The following KATNAL2 variants were observed in gnomAD, a reference collection of about 807,000 sequenced individuals.
The protein encoded by KATNAL2 is katanin p60 ATPase-containing subunit A-like 2.
Under a neutral mutation model 76.3 loss-of-function variants are expected in KATNAL2, and 52 were observed. The observed-to-expected ratio is 0.68, with a 90% CI of 0.55 to 0.86. The LOEUF is 0.86. KATNAL2 is among the 40% of genes least tolerant of loss of function. The pLI is 0.00. For synonymous variants in KATNAL2, 243 were observed against 244.2 expected (o/e 1.00, Z 0.05); for missense variants, 660 against 668.9 (o/e 0.99, Z 0.15).
chr18:47,056,163 G>A (rs917763670), intron 6 of KATNAL2, among the ~76,000 whole-genome samples: 3 of 152,130 alleles, frequency 2.0e-5, no homozygotes, highest in African/African-American at 7.2e-5. Context: ...AAAAGATCTT[G>A]GCAATTCCAG....
At chr18:47,054,244 C>T (rs1395886045) in intron 5 of KATNAL2, 152 bp from the exon 6 acceptor site, 4 of 673,958 alleles carry the variant, frequency 5.9e-6, no homozygotes, top group Non-Finnish European at 1.0e-5. Flanking sequence ...TTTCAGTTCT[C>T]TCTAGATGAG....
intron 15 of KATNAL2, among the ~76,000 whole-genome samples, chr18:47,089,196 T>C (rs1242466696): frequency 6.6e-6 from 1 of 152,224 alleles, no homozygotes; most frequent in African/African-American, 2.4e-5. Context: ...GCTTTCATTT[T>C]CAGCTTCCTC....
At chr18:47,034,009 C>G (rs1026098531) in intron 3 of KATNAL2, 1 of 1,613,932 alleles carries the variant, frequency 6.2e-7, no homozygotes, top group Non-Finnish European at 8.5e-7. Flanking sequence ...CTCACGAGTG[C>G]CCTTGGATTC....
At chr18:47,084,342 C>T (rs2062668553) in intron 15 of KATNAL2, 1 of 702,822 alleles carries the variant, frequency 1.4e-6, no homozygotes, top group African/African-American at 1.7e-5. Context: ...TAACCACATG[C>T]ATTTTTGGGC....
At position 47,046,545 on chromosome 18, in the gene KATNAL2, C is replaced by T. The variant is rs1273662294; in HGVS notation, c.122+18C>T. 1 of 1,468,242 alleles carries T rather than the reference C, an allele frequency of 6.8e-7. No homozygotes were observed. Among genetic ancestry groups the T allele is most frequent in the Non-Finnish European group, 9.2e-7 (1 of 1,085,174 alleles). The allele number at this position is 1,468,242 out of a possible 1,614,324, so 91.0% of individuals were successfully genotyped here. On this transcript the variant is annotated intron_variant, in intron 4 of 17. Transcript: ENST00000683218. ...CAAGAAGGGTATGTTACAGTACAAA[C>T]ATTTATAGAGATGATTCCTCTTTCT...
At chr18:47,034,548 G>A (rs2060662426) in intron 3 of KATNAL2, 1 of 1,614,086 alleles carries the variant, frequency 6.2e-7, no homozygotes, top group Admixed American at 1.7e-5. Context: ...AATCTCCCTG[G>A]GCACACAAGG....
At chr18:47,040,483 T>A (rs2060925476) in intron 3 of KATNAL2, among the ~76,000 whole-genome samples, 1 of 152,226 alleles carries the variant, frequency 6.6e-6, no homozygotes, top group Admixed American at 6.5e-5. Context: ...GATTCTGCTT[T>A]CAACTATTTG....
chr18:47,034,888 G>C, intron 3 of KATNAL2: 1 of 1,612,108 alleles, frequency 6.2e-7, no homozygotes, highest in Non-Finnish European at 8.5e-7. Context: ...TCTGTGCTCA[G>C]GGCTGTGAGA....
Position 46,962,148 on chromosome 18 carries a change from G to A in KATNAL2, c.51+15225G>A, listed in dbSNP as rs112128207. On this transcript the variant is annotated intron_variant, in intron 3 of 17. Coordinates refer to ENST00000683218, the MANE Select transcript of KATNAL2 (RefSeq NM_001387690.1). ...CTAAGAAGCTGGGACCACAGGGGCC[G>A]TGCCACCACGCCGGGCTCATTTTGG... 2.1e-3 allele frequency among the ~76,000 whole-genome samples: 284 copies of A among 136,102 alleles called. 6 individuals are homozygous for A. The highest frequency in any genetic ancestry group is 3.1e-3 in the East Asian group (12 of 3,904). 89.3% of individuals were successfully genotyped at this position (136,102 alleles called of 152,430 possible).
At chr18:47,033,641 C>G in intron 3 of KATNAL2, 1 of 1,614,196 alleles carries the variant, frequency 6.2e-7, no homozygotes, top group Non-Finnish European at 8.5e-7. Flanking sequence ...CTGAGGGCGT[C>G]CGGATTGTTT....
chr18:46,922,473 T>A (rs555157996), intron 1 of KATNAL2, among the ~76,000 whole-genome samples: 112 of 146,242 alleles, frequency 7.7e-4, no homozygotes, highest in African/African-American at 1.5e-3. Context: ...ACTAGCCTTT[T>A]AAAAAAAAAA....
intron 1 of KATNAL2, among the ~76,000 whole-genome samples, chr18:46,942,874 T>C (rs2059286759): frequency 1.3e-5 from 2 of 152,166 alleles, no homozygotes; most frequent in Non-Finnish European, 2.9e-5. Context: ...TGTTGGATAT[T>C]GTGAATAAGA....
At chr18:47,049,801 A>G (rs1222008785) in intron 4 of KATNAL2, among the ~76,000 whole-genome samples, 5 of 152,096 alleles carry the variant, frequency 3.3e-5, no homozygotes, top group African/African-American at 4.8e-5. Context: ...TGCAGCCTCA[A>G]ATTCCTGGGT....
chr18:46,946,395 C>T lies in KATNAL2; in HGVS notation c.-171C>T, dbSNP rs2059382171. On this transcript the variant is annotated 5_prime_UTR_variant, in exon 2 of 18. Transcript: ENST00000683218. Reference sequence around the variant, plus strand: ...ATTCGTCCAGTCTAGATAGACCATGCACAGAGAATTTCAAAGAAAAGCAGA... The same window carrying T: ...ATTCGTCCAGTCTAGATAGACCATGTACAGAGAATTTCAAAGAAAAGCAGA... 1 of 1,032,782 alleles carries T rather than the reference C, an allele frequency of 9.7e-7. No homozygotes were observed. Among genetic ancestry groups the T allele is most frequent in the Non-Finnish European group, 1.2e-6 (1 of 857,234 alleles). The allele number at this position is 1,032,782 out of a possible 1,614,324, so 64.0% of individuals were successfully genotyped here.
rs371733136 is a variant in KATNAL2 at position 47,062,809 on chromosome 18, A to G, written c.550-163A>G. On this transcript the variant is annotated intron_variant, in intron 8 of 17. Transcript: ENST00000683218. The stretch of plus-strand genomic sequence containing the variant: ...TTTTTAAGGTGCTCCAACTTGAGGA[A>G]ATCATCACGTTTAATACTAGTGCTG... Among the ~76,000 whole-genome samples, 5 of 152,376 alleles carry G rather than the reference A, an allele frequency of 3.3e-5. No individual in the cohort carries two copies. The East Asian group carries it at 7.7e-4, about 23-fold the overall frequency.
At chr18:47,035,085 C>T (rs1318815298) in intron 3 of KATNAL2, 2 of 1,611,050 alleles carry the variant, frequency 1.2e-6, no homozygotes. Context: ...CGCCCACGTG[C>T]TGGTGCTTCC....
At chr18:47,075,575 A>T (rs2062178726) in intron 14 of KATNAL2, among the ~76,000 whole-genome samples, 1 of 152,228 alleles carries the variant, frequency 6.6e-6, no homozygotes, top group Non-Finnish European at 1.5e-5. Flanking sequence ...TTATAACCGG[A>T]GGAAATGCCA....
intron 15 of KATNAL2, among the ~76,000 whole-genome samples, chr18:47,077,930 G>A (rs1568004831): frequency 6.6e-6 from 1 of 152,090 alleles, no homozygotes. Context: ...TACTCTCAGA[G>A]TCTTATTTAA....
At chr18:47,060,110 C>T (rs1001248341) in intron 8 of KATNAL2, among the ~76,000 whole-genome samples, 1 of 151,780 alleles carries the variant, frequency 6.6e-6, no homozygotes, top group Non-Finnish European at 1.5e-5. Context: ...AATCCTCTTG[C>T]CTCAGCTTCC....
Sources: allele counts gnomAD v4.1 joint callset (sites outside exome capture counted in the v4.1 genomes callset), GRCh38; gene constraint gnomAD v4.1.1; transcripts MANE v1.5; gene names NCBI Gene and HGNC (gene_info 2026-07-23, HGNC 2026-07-21).